Variants in SERPINB8 observed in about 807,000 individuals in gnomAD.
SERPINB8 encodes the protein serpin family B member 8.
In SERPINB8, 25 loss-of-function variants were observed where a neutral mutation model predicts 35.3. The observed-to-expected ratio is 0.71, with a 90% CI of 0.52 to 0.99. The LOEUF is 0.99. Ranked by LOEUF, SERPINB8 falls within the 50% of genes least tolerant of loss-of-function variation. The pLI, the probability that SERPINB8 is intolerant of heterozygous loss-of-function variation, is 0.00. For synonymous variants in SERPINB8, 186 were observed against 160.8 expected, an observed-to-expected ratio of 1.16 and a Z score of -1.19; for missense variants, 484 against 446.5, an observed-to-expected ratio of 1.08 and a Z score of -0.76.
rs985941036 is a variant in SERPINB8, at chr18:63,988,142, A to G, written c.*864A>G. 1 of 152,224 alleles carries G rather than the reference A, an allele frequency of 6.6e-6. No homozygotes were observed. Among genetic ancestry groups the G allele is most frequent in the Non-Finnish European group, 1.5e-5 (1 of 68,032 alleles). The allele number at this position is 152,224 out of a possible 1,614,324, so 9.4% of individuals were successfully genotyped here. A position where few individuals can be genotyped will look rare whatever the true frequency, so the allele number is the denominator to read the frequency against. The stretch of plus-strand genomic sequence containing the variant: ...GTCTCCAAAAAAATTGAAGTCACCC[A>G]CAATTCCAACACACAGCAATCACTG... On this transcript the variant is annotated 3_prime_UTR_variant, in exon 7 of 7. Coordinates refer to ENST00000397985, the MANE Select transcript of SERPINB8 (RefSeq NM_002640.4).
In SERPINB8 at chr18:63,978,469, T is replaced by A; in HGVS notation, c.161T>A (p.Met54Lys). Reference protein sequence around the residue: ...MGAKGSTAAQMSQALCLYKDG... With the variant: ...MGAKGSTAAQKSQALCLYKDG... Reference sequence around the variant, plus strand: ...GCAAAGGGAAGCACTGCAGCCCAGATGTCCCAGGTATGTGTGCTTGTCACA... The same window carrying A: ...GCAAAGGGAAGCACTGCAGCCCAGAAGTCCCAGGTATGTGTGCTTGTCACA... Residue 54 changes from methionine to lysine, a missense_variant, in exon 2 of 7, where the codon ATG becomes AAG. Physicochemically the swap from Met to Lys is moderately conservative, Grantham distance 95. Transcript: ENST00000397985. 6.2e-7 allele frequency: 1 copy of A among 1,614,186 alleles called. No homozygotes were observed. Among genetic ancestry groups the A allele is most frequent in the Non-Finnish European group, 8.5e-7 (1 of 1,180,010 alleles).
At chr18:64,006,263 A>C (rs2050899496), downstream of SERPINB8, among the ~76,000 whole-genome samples, 1 of 152,222 alleles carries the variant, frequency 6.6e-6, no homozygotes, top group South Asian at 2.1e-4. Context: ...AGGCTGCCTT[A>C]GTACATAGGT....
At chr18:64,014,991 C>T (rs939269550) in intron 7 of SERPINB8, among the ~76,000 whole-genome samples, 1 of 152,094 alleles carries the variant, frequency 6.6e-6, no homozygotes, top group Admixed American at 6.6e-5. Flanking sequence ...ATCTTTTCTC[C>T]TATCTATAAT....
chr18:63,970,585 A>C (rs77473067), intron 1 of SERPINB8: 14,896 of 152,466 alleles, frequency 0.098, 1,191 homozygotes, highest in African/African-American at 0.21. Context: ...GAAGCGCCGG[A>C]AGCTTGGGCG....
At position 63,986,911 on chromosome 18, in the gene SERPINB8, G is replaced by A. The variant is rs2050764319; in HGVS notation, c.758G>A (p.Trp253Ter). 6.2e-7 allele frequency: 1 copy of A among 1,613,188 alleles called. No homozygotes were observed. Among genetic ancestry groups the A allele is most frequent in the African/African-American group, 1.3e-5 (1 of 74,908 alleles). Residue 253 changes from tryptophan (W) to a stop codon, truncating the protein, a stop_gained, in exon 7 of 7, where the codon TGG becomes TAG. Transcript: ENST00000397985. LOFTEE classifies it high-confidence loss of function. ...KALTYEKFKA[W>*]TNSEKLTKSK... ...CTTACATATGAGAAATTCAAAGCCT[G>A]GACAAATTCAGAAAAGTTGACAAAA... is the stretch of plus-strand genomic sequence containing the variant.
At chr18:63,986,279 A>T (rs766647487) in intron 6 of SERPINB8, 2 of 1,609,998 alleles carry the variant, frequency 1.2e-6, no homozygotes, top group Non-Finnish European at 1.7e-6. Context: ...GATCTTGAAG[A>T]ATTTGAAGCT....
At chr18:63,978,247 G>A in intron 1 of SERPINB8, 52 bp from the exon 2 acceptor site, 1 of 1,583,038 alleles carries the variant, frequency 6.3e-7, no homozygotes. Context: ...TGACTGCGTG[G>A]CTACCGGAGT....
At chr18:64,010,787 A>G (rs529365024) in intron 7 of SERPINB8, among the ~76,000 whole-genome samples, 1 of 152,240 alleles carries the variant, frequency 6.6e-6, no homozygotes, top group African/African-American at 2.4e-5. Context: ...GCAAAGGCAT[A>G]AAAAATAATT....
At chr18:64,013,314 T>C (rs1233590089) in intron 7 of SERPINB8, among the ~76,000 whole-genome samples, 1 of 152,122 alleles carries the variant, frequency 6.6e-6, no homozygotes, top group African/African-American at 2.4e-5. Context: ...AATAGCCATA[T>C]ACATTATTAC....
intron 7 of SERPINB8, among the ~76,000 whole-genome samples, chr18:64,011,168 G>A (rs1050416414): frequency 8.6e-5 from 13 of 151,914 alleles, no homozygotes; most frequent in Non-Finnish European, 1.6e-4. Flanking sequence ...GATTGGAAAT[G>A]AACAGCAGTG....
At chr18:64,001,487 A>ATTTATTTG (rs2050874649) in intron 1 of SERPINB8, among the ~76,000 whole-genome samples, 1 of 147,322 alleles carries the variant, frequency 6.8e-6, no homozygotes, top group African/African-American at 2.5e-5. Flanking sequence ...TTATTTATTT[A>ATTTATTTG]TTTATTTATT....
chr18:63,983,808 G>C (rs1599146949), intron 5 of SERPINB8, 87 bp downstream of exon 5: 1 of 929,340 alleles, frequency 1.1e-6, no homozygotes, highest in East Asian at 2.5e-5. Flanking sequence ...TAATTTATTT[G>C]ACATGATCTT....
downstream of SERPINB8, among the ~76,000 whole-genome samples, chr18:63,992,790 C>T (rs1295243550): frequency 6.6e-6 from 1 of 151,948 alleles, no homozygotes; most frequent in Non-Finnish European, 1.5e-5. Context: ...AGGCAAGGGC[C>T]CTAAACTTTT....
chr18:63,985,126 G>A lies in SERPINB8; in HGVS notation c.601G>A (p.Ala201Thr). 1 of 1,614,198 alleles carries A rather than the reference G, an allele frequency of 6.2e-7. No individual in the cohort carries two copies. Among genetic ancestry groups the A allele is most frequent in the Non-Finnish European group, 8.5e-7 (1 of 1,180,032 alleles). Residue 201 changes from alanine to threonine, a missense_variant, in exon 6 of 7, where the codon GCT becomes ACT. Physicochemically the swap from Ala to Thr is moderately conservative, Grantham distance 58 (BLOSUM62 0). Transcript: ENST00000397985. ...KKTVQMMFKE[A>T]KFKMGYADEV... is the part of the protein sequence containing the mutation. Reference sequence around the variant, plus strand: ...GACAGTGCAGATGATGTTTAAGGAAGCTAAGTTTAAAATGGGGTATGCGGA... The same window carrying A: ...GACAGTGCAGATGATGTTTAAGGAAACTAAGTTTAAAATGGGGTATGCGGA...
At chr18:64,010,769 T>C (rs2144849508) in intron 7 of SERPINB8, among the ~76,000 whole-genome samples, 1 of 152,178 alleles carries the variant, frequency 6.6e-6, no homozygotes, top group East Asian at 1.9e-4. Flanking sequence ...TTAAGGTGCA[T>C]ATATATGGCA....
rs368895316 is a variant in SERPINB8, at chr18:63,976,793, A to AT, written c.-10-1504dup. Among the ~76,000 whole-genome samples, 7 of 152,296 alleles carry AT rather than the reference A, an allele frequency of 4.6e-5. No homozygotes were observed. The East Asian group carries it at 1.2e-3, about 25-fold the overall frequency. On this transcript the variant is annotated intron_variant, in intron 1 of 6. Coordinates refer to ENST00000397985, the MANE Select transcript of SERPINB8 (RefSeq NM_002640.4). ...TTAAAAGTGCTCCCTCGATGACAAG[A>AT]TTAGGGCTTCATATTTTATATCCAT...
exon 2 of SERPINB8, chr18:64,005,273 C>T (rs544288021): frequency 6.3e-6 from 1 of 157,918 alleles, no homozygotes; most frequent in Non-Finnish European, 1.4e-5. Context: ...TTAGTAAAGA[C>T]ACTCAAAAAA....
chr18:63,984,923 T>C (rs1002346916), intron 5 of SERPINB8, among the ~76,000 whole-genome samples, 170 bp from the exon 6 acceptor site: 5 of 151,932 alleles, frequency 3.3e-5, no homozygotes, highest in African/African-American at 1.2e-4. Context: ...GCTGGAACAA[T>C]AGCTTGTTCT....
intron 3 of SERPINB8, 141 bp downstream of exon 3, chr18:63,980,079 G>C: frequency 1.2e-6 from 1 of 800,762 alleles, no homozygotes; most frequent in East Asian, 2.7e-5. Flanking sequence ...ATTTTATGAT[G>C]ACTTCTGAAT....
Sources: gnomAD v4.1 joint callset for allele counts (sites outside exome capture counted in the v4.1 genomes callset) on GRCh38, gnomAD v4.1.1 for gene constraint, MANE v1.5 for transcripts, NCBI Gene and HGNC (gene_info 2026-07-23, HGNC 2026-07-21) for gene names.